Variants in ZCCHC14 observed in about 807,000 individuals in gnomAD.
ZCCHC14 encodes the protein zinc finger CCHC domain-containing protein 14.
Under a neutral mutation model 85.0 loss-of-function variants are expected in ZCCHC14, and 16 were observed. The ratio of observed to expected loss-of-function variants is 0.19; its 90% CI spans 0.13 to 0.29. ZCCHC14 has a LOEUF of 0.29. Ranked by LOEUF, ZCCHC14 falls within the 10% of genes least tolerant of loss-of-function variation. The pLI is 1.00. For synonymous variants in ZCCHC14, 775 were observed against 630.7 expected, an observed-to-expected ratio of 1.23 and a Z score of -3.43; for missense variants, 1,303 against 1,443.5, an observed-to-expected ratio of 0.90 and a Z score of 1.58.
At chr16:87,440,781 A>G (rs1910145577) in intron 2 of ZCCHC14, among the ~76,000 whole-genome samples, 2 of 145,972 alleles carry the variant, frequency 1.4e-5, no homozygotes, top group South Asian at 4.3e-4. Context: ...CGATTTTTGT[A>G]TTTTTTTTTT....
At chr16:87,428,550 T>C (rs1909489707) in intron 3 of ZCCHC14, among the ~76,000 whole-genome samples, 1 of 152,266 alleles carries the variant, frequency 6.6e-6, no homozygotes, top group African/African-American at 2.4e-5. Context: ...AAGTATTTTT[T>C]TTTAACAAAA....
At chr16:87,424,651 C>T (rs8062988) in intron 3 of ZCCHC14, among the ~76,000 whole-genome samples, 4,810 of 152,176 alleles carry the variant, frequency 0.032, 110 homozygotes, top group Middle Eastern at 0.099. Flanking sequence ...TCACAATGCT[C>T]GTCACATGAG....
At chr16:87,456,170 G>A (rs893114737) in intron 2 of ZCCHC14, among the ~76,000 whole-genome samples, 1 of 152,132 alleles carries the variant, frequency 6.6e-6, no homozygotes, top group Non-Finnish European at 1.5e-5. Flanking sequence ...AAGGCTTCTC[G>A]ATTTCGGCTA....
At chr16:87,411,096 C>G (rs943079832) in intron 12 of ZCCHC14, among the ~76,000 whole-genome samples, 1 of 152,236 alleles carries the variant, frequency 6.6e-6, no homozygotes, top group Non-Finnish European at 1.5e-5. Flanking sequence ...GCCCCCCACA[C>G]CCACAGCCGC....
intron 3 of ZCCHC14, among the ~76,000 whole-genome samples, chr16:87,427,979 G>A (rs1909461586): frequency 7.0e-6 from 1 of 142,324 alleles, no homozygotes; most frequent in Admixed American, 7.2e-5. Context: ...GTCTCACTGT[G>A]TTGCCCAGGC....
chr16:87,418,073 G>C lies in ZCCHC14; in HGVS notation c.1101-331C>G, dbSNP rs541599294. 3.6e-4 allele frequency: 120 copies of C among 333,538 alleles called. 2 individuals are homozygous for C. The highest frequency in any genetic ancestry group is 2.4e-3 in the African/African-American group (113 of 47,494). The allele number at this position is 333,538 out of a possible 1,614,324, so 20.7% of individuals were successfully genotyped here. A position where few individuals can be genotyped will look rare whatever the true frequency, so the allele number is the denominator to read the frequency against. ...GTGTATTATGTATGTGTACGTCTCT[G>C]TCCCCACCAGACTTCTGCTTTAGCT... On this transcript the variant is annotated intron_variant, in intron 7 of 12. Transcript: ENST00000671377.
At chr16:87,445,169 C>G (rs1910375858) in intron 2 of ZCCHC14, among the ~76,000 whole-genome samples, 1 of 151,676 alleles carries the variant, frequency 6.6e-6, no homozygotes, top group African/African-American at 2.4e-5. Context: ...CAGGTTCAAG[C>G]AATTCTCCTG....
At chr16:87,453,496 G>A (rs1052779289) in intron 2 of ZCCHC14, among the ~76,000 whole-genome samples, 1 of 152,176 alleles carries the variant, frequency 6.6e-6, no homozygotes, top group African/African-American at 2.4e-5. Context: ...TGGGATGAGC[G>A]CAGCTGCTCA....
At chr16:87,467,337 G>A in intron 1 of ZCCHC14, 3 of 1,592,584 alleles carry the variant, frequency 1.9e-6, no homozygotes, top group Non-Finnish European at 2.6e-6. Flanking sequence ...AACAGAAAAA[G>A]ATTTCATCCA....
chr16:87,476,778 C>T (rs1205370151), intron 1 of ZCCHC14, among the ~76,000 whole-genome samples: 1 of 151,552 alleles, frequency 6.6e-6, no homozygotes, highest in African/African-American at 2.4e-5. Flanking sequence ...AGGGAATTCT[C>T]TGGGCTGACG....
chr16:87,492,065 C>T lies in ZCCHC14; in HGVS notation c.174G>A (p.Ser58=), dbSNP rs1912795008. The T allele has an allele frequency of 4.3e-6, 6 of 1,393,528 alleles. No individual in the cohort carries two copies. In the South Asian group the frequency reaches 6.3e-5, roughly 15 times the overall value. The allele number at this position is 1,393,528 out of a possible 1,614,324, so 86.3% of individuals were successfully genotyped here. The change falls in exon 1 of 13, where the codon TCG becomes TCA. Residue 58 remains serine, a synonymous_variant. Transcript: ENST00000671377. The surrounding 1 kb of genome is among the most constrained non-coding windows in gnomAD (Gnocchi z 6.7). ...TGGCCTTGATCTCCGAGTCGCGCAG[C>T]GAGTGGTAGTCCTTGCGGGCCAGGT... ...LEDLARKDYH[S]LRDSEIKANN...
rs1223462200 is a variant in ZCCHC14 at position 87,408,924 on chromosome 16, G to T, written c.*1356C>A. ...CAGTATTTTAACATTGAAGACTTTA[G>T]CATTTTCGATAAGAGTATTATTTGA... On this transcript the variant is annotated 3_prime_UTR_variant, in exon 13 of 13. Transcript: ENST00000671377. 2.0e-5 allele frequency: 3 copies of T among 152,562 alleles called. No homozygotes were observed. The highest frequency in any genetic ancestry group is 2.1e-4 in the South Asian group (1 of 4,834). 9.5% of individuals were successfully genotyped at this position (152,562 alleles called of 1,614,324 possible).
intron 2 of ZCCHC14, among the ~76,000 whole-genome samples, chr16:87,458,482 C>A (rs1225055029): frequency 6.6e-6 from 1 of 152,210 alleles, no homozygotes; most frequent in Non-Finnish European, 1.5e-5. Context: ...CAAGTGGGGA[C>A]AGGAGCCCTC....
Position 87,492,332 on chromosome 16 carries a change from G to A in ZCCHC14, c.-94C>T. The stretch of plus-strand genomic sequence containing the variant: ...GCCGCGGCCGGGGCGCGCCGGGACC[G>A]GGGACGCGCGGGCCGGGGCCGGGTC... On this transcript the variant is annotated 5_prime_UTR_variant, in exon 1 of 13. Transcript: ENST00000671377. This position sits in a 1 kb window ranked among gnomAD's most constrained non-coding sequence, Gnocchi z 6.7. 7.4e-6 allele frequency: 3 copies of A among 406,304 alleles called. No individual in the cohort carries two copies. The highest frequency in any genetic ancestry group is 9.8e-6 in the Non-Finnish European group (3 of 304,932). 25.2% of individuals were successfully genotyped at this position (406,304 alleles called of 1,614,324 possible). A position where few individuals can be genotyped will look rare whatever the true frequency, so the allele number is the denominator to read the frequency against.
rs1231968761 is a variant in ZCCHC14, at chr16:87,408,774, ATTC to A, written c.*1503_*1505del. 3.9e-5 allele frequency: 6 copies of A among 152,436 alleles called. No individual in the cohort carries two copies. The East Asian group carries it at 9.6e-4, about 24-fold the overall frequency. The allele number at this position is 152,436 out of a possible 1,614,324, so 9.4% of individuals were successfully genotyped here. ...ACATCACAAGGCCTCATTCTAGGGT[ATTC>A]TTCTGATTTACATCAATTTTTCATG... On this transcript the variant is annotated 3_prime_UTR_variant, in exon 13 of 13. Transcript: ENST00000671377.
At position 87,449,592 on chromosome 16, in the gene ZCCHC14, G is replaced by A. The variant is rs141796473; in HGVS notation, c.694+10416C>T. On this transcript the variant is annotated intron_variant, in intron 2 of 12. Transcript: ENST00000671377. ...TACAGAAGAAAACCAGTAGTTTTCC[G>A]CCAAATGTCTTTCTTTAATTTGCTT... Among the ~76,000 whole-genome samples the A allele has an allele frequency of 1.4e-4, 22 of 151,992 alleles. No individual in the cohort carries two copies. The East Asian group carries it at 3.1e-3, about 21-fold the overall frequency.
intron 1 of ZCCHC14, among the ~76,000 whole-genome samples, chr16:87,475,702 C>G (rs1198412610): frequency 6.6e-6 from 1 of 151,868 alleles, no homozygotes. Context: ...AAGTATCCAA[C>G]CCAAAGAACA....
At chr16:87,472,027 C>T (rs1456815556) in intron 1 of ZCCHC14, 1 of 152,182 alleles carries the variant, frequency 6.6e-6, no homozygotes, top group Admixed American at 6.5e-5. Flanking sequence ...CAACTACTAC[C>T]CTCCACTAAA....
chr16:87,468,706 T>C (rs1391932265), intron 1 of ZCCHC14, among the ~76,000 whole-genome samples: 2 of 152,216 alleles, frequency 1.3e-5, no homozygotes, highest in Admixed American at 1.3e-4. Flanking sequence ...AGGGGACATC[T>C]GGCCACAGCT....
Sources: gnomAD v4.1 joint callset for allele counts (sites outside exome capture counted in the v4.1 genomes callset) on GRCh38, gnomAD v4.1.1 for gene constraint, Gnocchi (gnomAD v3.1) non-coding constraint, MANE v1.5 for transcripts, NCBI Gene and HGNC (gene_info 2026-07-23, HGNC 2026-07-21) for gene names.